SYNRG: variants seen among roughly 807,000 people sequenced by gnomAD.
SYNRG encodes the protein synergin gamma.
In SYNRG, 37 loss-of-function variants were observed where a neutral mutation model predicts 130.9. That is an observed-to-expected ratio of 0.28 (90% CI 0.22 to 0.37). The LOEUF is 0.37. Ranked by LOEUF, SYNRG falls within the 10% of genes least tolerant of loss-of-function variation. SYNRG has a pLI of 1.00. For missense variants in SYNRG, 1,338 were observed against 1,588.9 expected (o/e 0.84, Z 2.68); for synonymous variants, 539 against 568.1 (o/e 0.95, Z 0.73).
At position 37,576,361 on chromosome 17, in the gene SYNRG, T is replaced by C; in HGVS notation, c.881A>G (p.Tyr294Cys). The change falls in exon 8 of 22, where the codon TAC (tyrosine) becomes TGC (cysteine). Residue 294 changes from tyrosine to cysteine, a missense_variant. Coordinates refer to ENST00000612223, the MANE Select transcript of SYNRG (RefSeq NM_007247.6). ...TTTACCTGGAACCAAACTCTCATTG[T>C]AAATCCAAGGAGGCATTCTGGGCTG... is the stretch of plus-strand genomic sequence containing the variant. The part of the protein sequence containing the change: ...PAQPRMPPWI[Y>C]NESLVPDAYK... 1 of 1,613,976 alleles carries C rather than the reference T, an allele frequency of 6.2e-7. No homozygotes were observed. Among genetic ancestry groups the C allele is most frequent in the Non-Finnish European group, 8.5e-7 (1 of 1,179,894 alleles).
chr17:37,561,801 CCAAA>C (rs955366289), intron 11 of SYNRG, among the ~76,000 whole-genome samples: 1 of 151,498 alleles, frequency 6.6e-6, no homozygotes, highest in Non-Finnish European at 1.5e-5. Context: ...AAAACATTAC[CCAAA>C]CAATCATTTT....
rs776223173 is a variant in SYNRG, at chr17:37,540,526, A to G, written c.3220T>C (p.Leu1074=). 1 of 1,613,804 alleles carries G rather than the reference A, an allele frequency of 6.2e-7. No individual in the cohort carries two copies. Among genetic ancestry groups the G allele is most frequent in the Non-Finnish European group, 8.5e-7 (1 of 1,179,968 alleles). ...CTTATTTCTTTATCACCAAGGCTCAAACTCCTCTTGTGTGATCCTGGGAGA... is the reference window on the plus strand; with the variant it reads ...CTTATTTCTTTATCACCAAGGCTCAGACTCCTCTTGTGTGATCCTGGGAGA... ...LSVQGSHKRS[L]SLGDKEISRS... is the part of the protein sequence containing the mutation. The change falls in exon 16 of 22, where the codon TTG becomes CTG. Residue 1074 remains leucine (L), a synonymous_variant. Coordinates refer to ENST00000612223, the MANE Select transcript of SYNRG (RefSeq NM_007247.6).
intron 5 of SYNRG, 61 bp downstream of exon 5, chr17:37,585,264 G>C (rs2061607432): frequency 2.2e-6 from 3 of 1,346,094 alleles, no homozygotes; most frequent in Non-Finnish European, 3.1e-6. Context: ...CACTCAATGA[G>C]TGGGAAGAGG....
At chr17:37,527,302 C>G (rs1180823854) in intron 19 of SYNRG, among the ~76,000 whole-genome samples, 1 of 152,124 alleles carries the variant, frequency 6.6e-6, no homozygotes, top group Non-Finnish European at 1.5e-5. Context: ...AACTTCAACC[C>G]ACTTCACAAG....
chr17:37,577,189 A>T (rs1363308731), intron 7 of SYNRG, among the ~76,000 whole-genome samples, 191 bp downstream of exon 7: 1 of 152,232 alleles, frequency 6.6e-6, no homozygotes. Flanking sequence ...AAAAGGAGTA[A>T]CAGTGTGTTG....
At chr17:37,588,660 G>C (rs2061891493) in intron 3 of SYNRG, among the ~76,000 whole-genome samples, 1 of 152,024 alleles carries the variant, frequency 6.6e-6, no homozygotes. Flanking sequence ...ATCTTGGGTG[G>C]AGATAGCTGT....
intron 19 of SYNRG, among the ~76,000 whole-genome samples, chr17:37,532,152 G>A (rs1490395351): frequency 6.6e-6 from 1 of 152,212 alleles, no homozygotes; most frequent in Admixed American, 6.5e-5. Flanking sequence ...TTTACTGAGT[G>A]TTTACTGAAT....
chr17:37,527,214 T>C (rs931790932), intron 19 of SYNRG, among the ~76,000 whole-genome samples: 3 of 152,220 alleles, frequency 2.0e-5, no homozygotes, highest in Non-Finnish European at 4.4e-5. Context: ...AACAACCTTT[T>C]CTCTTCTCTT....
Position 37,577,134 on chromosome 17 carries a change from A to C in SYNRG, c.823+246T>G, listed in dbSNP as rs139093495. Among the ~76,000 whole-genome samples the C allele has an allele frequency of 4.4e-4, 67 of 152,368 alleles. 1 individual carries two copies. The highest frequency in any genetic ancestry group is 1.4e-3 in the African/African-American group (58 of 41,596). Reference sequence around the variant, plus strand: ...ATAAAAGGAAAGAAAATTTTAAATCAGAAATGATTCCAATTAAGAAAACCA... The same window carrying C: ...ATAAAAGGAAAGAAAATTTTAAATCCGAAATGATTCCAATTAAGAAAACCA... On this transcript the variant is annotated intron_variant, in intron 7 of 21. Transcript: ENST00000612223.
At chr17:37,606,203 C>G (rs935961961) in intron 1 of SYNRG, among the ~76,000 whole-genome samples, 1 of 152,202 alleles carries the variant, frequency 6.6e-6, no homozygotes, top group Non-Finnish European at 1.5e-5. Flanking sequence ...GCAGGTACAT[C>G]GTTTCCTTAG....
chr17:37,585,894 T>C (rs1390517447), intron 4 of SYNRG, among the ~76,000 whole-genome samples: 1 of 152,234 alleles, frequency 6.6e-6, no homozygotes, highest in Non-Finnish European at 1.5e-5. Context: ...TTCATTTTCC[T>C]GGACTTCACT....
At position 37,536,009 on chromosome 17, in the gene SYNRG, T is replaced by C. The variant is rs1479845398; in HGVS notation, c.3636A>G (p.Leu1212=). ...GTGTGGCGAGTGACATGAAGCCGATTAGGTTATTCCATACTTTATCGATGT... is the reference window on the plus strand; with the variant it reads ...GTGTGGCGAGTGACATGAAGCCGATCAGGTTATTCCATACTTTATCGATGT... ...LKDIDKVWNN[L]IGFMSLATLT... The change falls in exon 19 of 22, where the codon CTA becomes CTG. Residue 1212 remains leucine (L), a synonymous_variant. Coordinates refer to ENST00000612223, the MANE Select transcript of SYNRG (RefSeq NM_007247.6). 6.2e-7 allele frequency: 1 copy of C among 1,614,032 alleles called. No homozygotes were observed. The highest frequency in any genetic ancestry group is 2.2e-5 in the East Asian group (1 of 44,884).
At chr17:37,567,049 T>A (rs569608219) in intron 11 of SYNRG, 52 of 152,368 alleles carry the variant, frequency 3.4e-4, no homozygotes, top group African/African-American at 1.1e-3. Flanking sequence ...AAACTTCCTA[T>A]ATTTAGCTGA....
chr17:37,539,830 C>T (rs1598192160), intron 16 of SYNRG, among the ~76,000 whole-genome samples: 3 of 152,170 alleles, frequency 2.0e-5, no homozygotes, highest in African/African-American at 7.2e-5. Flanking sequence ...AGCCTTTCTT[C>T]GGAGGCACTC....
At chr17:37,604,386 T>C (rs1309744932) in intron 1 of SYNRG, among the ~76,000 whole-genome samples, 1 of 152,252 alleles carries the variant, frequency 6.6e-6, no homozygotes, top group Admixed American at 6.5e-5. Flanking sequence ...GCTTCTTTGC[T>C]TAAACCTCAT....
At chr17:37,552,946 C>T (rs1277009315) in intron 14 of SYNRG, among the ~76,000 whole-genome samples, 169 bp downstream of exon 14, 1 of 152,150 alleles carries the variant, frequency 6.6e-6, no homozygotes, top group East Asian at 1.9e-4. Flanking sequence ...TATCAAGTAT[C>T]CATAGAATCA....
chr17:37,530,185 C>T (rs1300101496), intron 19 of SYNRG, among the ~76,000 whole-genome samples: 1 of 152,150 alleles, frequency 6.6e-6, no homozygotes, highest in African/African-American at 2.4e-5. Context: ...CTGAAGGAGG[C>T]CACAAGGAAT....
chr17:37,533,829 G>A (rs575760461), intron 19 of SYNRG, among the ~76,000 whole-genome samples: 2 of 150,012 alleles, frequency 1.3e-5, no homozygotes, highest in East Asian at 2.0e-4. Flanking sequence ...CACCCACCTC[G>A]GCCTCCCAAA....
chr17:37,564,224 C>T (rs1311597161), intron 11 of SYNRG, among the ~76,000 whole-genome samples: 3 of 152,196 alleles, frequency 2.0e-5, no homozygotes, highest in Non-Finnish European at 2.9e-5. Context: ...AAGTGCCTGG[C>T]ACATAGTATT....
Sources: allele counts gnomAD v4.1 joint callset (sites outside exome capture counted in the v4.1 genomes callset), GRCh38; gene constraint gnomAD v4.1.1; transcripts MANE v1.5; gene names NCBI Gene and HGNC (gene_info 2026-07-23, HGNC 2026-07-21).